The following COX6B2 variants were observed in gnomAD, a reference collection of about 807,000 sequenced individuals.
The protein encoded by COX6B2 is cytochrome c oxidase subunit 6B2.
Under a neutral mutation model 13.7 loss-of-function variants are expected in COX6B2, and 12 were observed. That is an observed-to-expected ratio of 0.87 (90% CI 0.56 to 1.41). COX6B2 has a LOEUF of 1.41. COX6B2 is among the 40% of genes most tolerant of loss of function. The pLI, the probability that COX6B2 is intolerant of heterozygous loss-of-function variation, is 0.00. For missense variants in COX6B2, 130 were observed against 118.3 expected, an observed-to-expected ratio of 1.10 and a Z score of -0.46; for synonymous variants, 56 against 46.6, an observed-to-expected ratio of 1.20 and a Z score of -0.82.
intron 4 of COX6B2, among the ~76,000 whole-genome samples, chr19:55,351,065 A>G (rs992613335): frequency 6.6e-6 from 1 of 152,222 alleles, no homozygotes. Flanking sequence ...CTCACTGTCC[A>G]GCACAATATG....
intron 4 of COX6B2, 39 bp downstream of exon 4, chr19:55,353,568 C>G: frequency 1.4e-6 from 1 of 735,822 alleles, no homozygotes; most frequent in Non-Finnish European, 2.2e-6. Flanking sequence ...CGACGCATCG[C>G]TGGCTGGGCA....
chr19:55,353,105 C>CGTGATGGAGA (rs2089680747), intron 4 of COX6B2: 1 of 154,746 alleles, frequency 6.5e-6, no homozygotes, highest in African/African-American at 2.4e-5. Context: ...GGAGCGGGGT[C>CGTGATGGAGA]GTGATGGAGA....
rs967488344 is a variant in COX6B2 at position 55,353,602 on chromosome 19, C to T, written c.*114+5G>A. On this transcript the variant is annotated splice_donor_5th_base_variant and intron_variant, in intron 4 of 4. Transcript: ENST00000326529. ...CATTAAGAAGAAACATCAGCAACAG[C>T]ATACCATTATTCGTGGCTTAGACAC... is the stretch of plus-strand genomic sequence containing the variant. 3 of 909,570 alleles carry T rather than the reference C, an allele frequency of 3.3e-6. No homozygotes were observed. The highest frequency in any genetic ancestry group is 4.8e-5 in the Admixed American group (2 of 41,476). The allele number at this position is 909,570 out of a possible 1,614,324, so 56.3% of individuals were successfully genotyped here. A position where few individuals can be genotyped will look rare whatever the true frequency, so the allele number is the denominator to read the frequency against.
At chr19:55,353,832 C>G in intron 3 of COX6B2, 34 bp downstream of exon 3, 1 of 1,587,644 alleles carries the variant, frequency 6.3e-7, no homozygotes, top group Non-Finnish European at 8.6e-7. Flanking sequence ...GAGCCCTGCA[C>G]ACGCCTGGCC....
chr19:55,353,847 GC>G lies in COX6B2; in HGVS notation c.213+18del. 1.3e-6 allele frequency: 2 copies of G among 1,579,586 alleles called. No individual in the cohort carries two copies. The highest frequency in any genetic ancestry group is 1.7e-6 in the Non-Finnish European group (2 of 1,163,276). ...GAGCCCTGCACACGCCTGGCCCGGC[GC>G]CCCCTCTGCCGACTCACCCAGCTGA... On this transcript the variant is annotated intron_variant, in intron 3 of 4. Transcript: ENST00000326529.
In COX6B2 at chr19:55,354,640, G is replaced by C. The variant is rs2089697056; in HGVS notation, c.-19+10C>G. The stretch of plus-strand genomic sequence containing the variant: ...CCCCCGCCCCTGAACCCCACCCGTC[G>C]TGCCCTCACCAGCCTGACGTTGGCG... On this transcript the variant is annotated intron_variant, in intron 1 of 4. Coordinates refer to ENST00000326529, the MANE Select transcript of COX6B2 (RefSeq NM_144613.5). The C allele has an allele frequency of 1.4e-6, 1 of 701,550 alleles. No individual in the cohort carries two copies. The highest frequency in any genetic ancestry group is 1.8e-5 in the African/African-American group (1 of 55,248). 43.5% of individuals were successfully genotyped at this position (701,550 alleles called of 1,614,324 possible).
intron 4 of COX6B2, chr19:55,353,399 A>C: frequency 2.2e-6 from 1 of 451,864 alleles, no homozygotes; most frequent in Non-Finnish European, 4.0e-6. Context: ...ACCTGCTGGA[A>C]TGGAGAGGGA....
At position 55,350,504 on chromosome 19, in the gene COX6B2, G is replaced by A. The variant is rs968337666; in HGVS notation, c.*411C>T. ...GGACGTGGGCGCTCTCAGTCATCTC[G>A]CCCATACAGACAGGAGCTGGCTGGG... is the stretch of plus-strand genomic sequence containing the variant. On this transcript the variant is annotated 3_prime_UTR_variant, in exon 5 of 5. Transcript: ENST00000326529. The surrounding 1 kb of genome is among the most constrained non-coding windows in gnomAD (Gnocchi z 4.2). 2.0e-5 allele frequency: 3 copies of A among 152,358 alleles called. No homozygotes were observed. Among genetic ancestry groups the A allele is most frequent in the Admixed American group, 1.3e-4 (2 of 15,276 alleles). The allele number at this position is 152,358 out of a possible 1,614,324, so 9.4% of individuals were successfully genotyped here.
Position 55,353,728 on chromosome 19 carries a change from T to C in COX6B2, c.260A>G (p.Lys87Arg), listed in dbSNP as rs1206947557. 9 of 1,609,840 alleles carry C rather than the reference T, an allele frequency of 5.6e-6. No individual in the cohort carries two copies. Among genetic ancestry groups the C allele is most frequent in the Non-Finnish European group, 7.6e-6 (9 of 1,177,774 alleles). The change falls in exon 4 of 5, where the codon AAA becomes AGA. Residue 87 changes from lysine to arginine, a missense_variant. Lys to Arg is a conservative substitution (Grantham distance 26). Coordinates refer to ENST00000326529, the MANE Select transcript of COX6B2 (RefSeq NM_144613.5). ...EQIKNGIFAG[K>R]I The stretch of plus-strand genomic sequence containing the variant: ...GAAGCCGCGCTGGGGCAGTCAGATT[T>C]TGCCGGCGAAAATCCCGTTCTTGAT...
At position 55,350,570 on chromosome 19, in the gene COX6B2, GA is replaced by G. The variant is rs1946136331; in HGVS notation, c.*344del. 6.6e-6 allele frequency: 1 copy of G among 152,390 alleles called. No individual in the cohort carries two copies. The highest frequency in any genetic ancestry group is 2.4e-5 in the African/African-American group (1 of 41,458). The allele number at this position is 152,390 out of a possible 1,614,324, so 9.4% of individuals were successfully genotyped here. ...TGCTTGGCGTCCCTCAGCTGCAGGGGACCCTGGCTTCCACGAAGTTGGAGGC... is the reference window on the plus strand; with the variant it reads ...TGCTTGGCGTCCCTCAGCTGCAGGGGCCCTGGCTTCCACGAAGTTGGAGGC... On this transcript the variant is annotated 3_prime_UTR_variant, in exon 5 of 5. Coordinates refer to ENST00000326529, the MANE Select transcript of COX6B2 (RefSeq NM_144613.5). This position sits in a 1 kb window ranked among gnomAD's most constrained non-coding sequence, Gnocchi z 4.2.
At chr19:55,354,301 C>A in intron 2 of COX6B2, 109 bp downstream of exon 2, 1 of 1,036,998 alleles carries the variant, frequency 9.6e-7, no homozygotes, top group Non-Finnish European at 1.5e-6. Flanking sequence ...CCCGGCCCCG[C>A]CCGGCCTCCC....
chr19:55,354,631 C>A lies in COX6B2; in HGVS notation c.-19+19G>T. On this transcript the variant is annotated intron_variant, in intron 1 of 4. Coordinates refer to ENST00000326529, the MANE Select transcript of COX6B2 (RefSeq NM_144613.5). ...CCATCCTGACCCCCGCCCCTGAACC[C>A]CACCCGTCGTGCCCTCACCAGCCTG... 2.6e-6 allele frequency: 2 copies of A among 762,456 alleles called. No homozygotes were observed. Among genetic ancestry groups the A allele is most frequent in the East Asian group, 2.6e-5 (1 of 38,750 alleles). 47.2% of individuals were successfully genotyped at this position (762,456 alleles called of 1,614,324 possible). A position where few individuals can be genotyped will look rare whatever the true frequency, so the allele number is the denominator to read the frequency against.
In COX6B2 at chr19:55,353,379, C is replaced by T. The variant is rs1180652413; in HGVS notation, c.*114+228G>A. 8.8e-5 allele frequency: 37 copies of T among 418,788 alleles called. 1 individual carries two copies. Among genetic ancestry groups the T allele is most frequent in the South Asian group, 7.3e-4 (33 of 45,356 alleles). The allele number at this position is 418,788 out of a possible 1,614,324, so 25.9% of individuals were successfully genotyped here. On this transcript the variant is annotated intron_variant, in intron 4 of 4. Transcript: ENST00000326529. ...CTGGGCTGGCTCGTAGCTGTCAACG[C>T]GAGGCATCTACCTGCTGGAATGGAG... is the stretch of plus-strand genomic sequence containing the variant.
rs1395283520 is a variant in COX6B2, at chr19:55,354,543, C to A, written c.-18-4G>T. On this transcript the variant is annotated splice_region_variant and splice_polypyrimidine_tract_variant and intron_variant, in intron 1 of 4. Coordinates refer to ENST00000326529, the MANE Select transcript of COX6B2 (RefSeq NM_144613.5). ...ACATCCACGAAGGAGGCAACTCCTG[C>A]GAGACGGGACGGGACGGGGACTCCG... The A allele has an allele frequency of 5.8e-6, 9 of 1,557,676 alleles. No individual in the cohort carries two copies. The highest frequency in any genetic ancestry group is 2.2e-5 in the East Asian group (1 of 44,570).
intron 4 of COX6B2, chr19:55,353,188 G>A (rs1233048742): frequency 5.4e-6 from 1 of 186,612 alleles, no homozygotes; most frequent in African/African-American, 2.4e-5. Flanking sequence ...AGACCCCTCA[G>A]GACCCGAGAT....
rs1467070320 is a variant in COX6B2 at position 55,352,156 on chromosome 19, CTG to C, written c.*115-1358_*115-1357del. 6.6e-6 allele frequency: 1 copy of C among 152,240 alleles called. No individual in the cohort carries two copies. The highest frequency in any genetic ancestry group is 1.5e-5 in the Non-Finnish European group (1 of 68,106). 9.4% of individuals were successfully genotyped at this position (152,240 alleles called of 1,614,324 possible). ...TGCCCCCGTGGTTCTGCCAGCGCCTCTGTGCATTCGTCAAGGCTCTGGGGACG... is the reference window on the plus strand; with the variant it reads ...TGCCCCCGTGGTTCTGCCAGCGCCTCTGCATTCGTCAAGGCTCTGGGGACG... On this transcript the variant is annotated intron_variant, in intron 4 of 4. Transcript: ENST00000326529. This position sits in a 1 kb window ranked among gnomAD's most constrained non-coding sequence, Gnocchi z 6.2.
chr19:55,353,767 C>A lies in COX6B2; in HGVS notation c.221G>T (p.Ser74Ile). 1 of 1,609,620 alleles carries A rather than the reference C, an allele frequency of 6.2e-7. No individual in the cohort carries two copies. Among genetic ancestry groups the A allele is most frequent in the Non-Finnish European group, 8.5e-7 (1 of 1,178,062 alleles). Residue 74 changes from serine to isoleucine, a missense_variant, in exon 4 of 5, where the codon AGC becomes ATC. By Grantham distance (142) the Ser-to-Ile change is moderately radical. Transcript: ENST00000326529. ...CCCGTTCTTGATCTGCTCGTTCCAG[C>A]TCTCCACCTGGGAAGCAGAAAGGCA... ...HSLCPISWVESWNEQIKNGIF... is the reference protein window; with the variant it reads ...HSLCPISWVEIWNEQIKNGIF...
intron 2 of COX6B2, 67 bp downstream of exon 2, chr19:55,354,343 G>A (rs922040569): frequency 4.5e-5 from 56 of 1,254,926 alleles, no homozygotes; most frequent in Non-Finnish European, 5.9e-5. Context: ...CTTAGGGTGG[G>A]AGTGCCCCTC....
rs2089663628 is a variant in COX6B2, at chr19:55,350,523, G to A, written c.*392C>T. ...CATCTCGCCCATACAGACAGGAGCT[G>A]GCTGGGGAGGGCAGGTGTGTCTGCT... On this transcript the variant is annotated 3_prime_UTR_variant, in exon 5 of 5. Coordinates refer to ENST00000326529, the MANE Select transcript of COX6B2 (RefSeq NM_144613.5). This position sits in a 1 kb window ranked among gnomAD's most constrained non-coding sequence, Gnocchi z 4.2. 6.6e-6 allele frequency: 1 copy of A among 152,384 alleles called. No homozygotes were observed. The highest frequency in any genetic ancestry group is 6.5e-5 in the Admixed American group (1 of 15,286). 9.4% of individuals were successfully genotyped at this position (152,384 alleles called of 1,614,324 possible). A position where few individuals can be genotyped will look rare whatever the true frequency, so the allele number is the denominator to read the frequency against.
Sources: gnomAD v4.1 joint callset for allele counts (sites outside exome capture counted in the v4.1 genomes callset) on GRCh38, gnomAD v4.1.1 for gene constraint, Gnocchi (gnomAD v3.1) non-coding constraint, MANE v1.5 for transcripts, NCBI Gene and HGNC (gene_info 2026-07-23, HGNC 2026-07-21) for gene names.